KIR3DL3: variants seen among roughly 807,000 people sequenced by gnomAD.
KIR3DL3 encodes killer cell immunoglobulin like receptor, three Ig domains and long cytoplasmic tail 3.
A neutral mutation model predicts 34.9 loss-of-function variants in KIR3DL3; 27 were observed. That is an observed-to-expected ratio of 0.77 (90% confidence interval 0.57 to 1.07). The LOEUF (loss-of-function observed/expected upper bound fraction) is 1.07, where lower values mean the gene tolerates loss of function less well. KIR3DL3 is among the 50% of genes least tolerant of loss of function. The probability of loss-of-function intolerance (pLI) is 0.00; values close to 1 mark genes in which losing one functional copy is unlikely to be tolerated. For synonymous variants in KIR3DL3, 217 were observed against 200.2 expected (o/e 1.08, Z -0.71); for missense variants, 681 against 528.5 (o/e 1.29, Z -2.83).
chr19:54,732,821 A>G (rs761723758), intron 5 of KIR3DL3, among the ~76,000 whole-genome samples: 2 of 152,286 alleles, frequency 1.3e-5, no homozygotes, highest in Admixed American at 6.5e-5. Flanking sequence ...TGGAGAGCAC[A>G]CTGGGTACAC....
chr19:54,724,799 G>A (rs2067962525), intron 1 of KIR3DL3, among the ~76,000 whole-genome samples: 1 of 146,176 alleles, frequency 6.8e-6, no homozygotes, highest in Admixed American at 6.9e-5. Context: ...TTGGCTTGGA[G>A]TGCAGATATG....
chr19:54,735,117 G>C, intron 5 of KIR3DL3, 136 bp from the exon 6 acceptor site: 2 of 735,380 alleles, frequency 2.7e-6, no homozygotes. Flanking sequence ...GCAGGAGGAA[G>C]CTAGGTCTCC....
At chr19:54,733,549 T>TTA (rs199755001) in intron 5 of KIR3DL3, among the ~76,000 whole-genome samples, 1 of 151,834 alleles carries the variant, frequency 6.6e-6, no homozygotes, top group Non-Finnish European at 1.5e-5. Flanking sequence ...ACATACATAA[T>TTA]TATGACACAC....
rs1349798353 is a variant in KIR3DL3 at position 54,736,222 on chromosome 19, C to A, written c.*126C>A. 7 of 1,281,134 alleles carry A rather than the reference C, an allele frequency of 5.5e-6. No individual in the cohort carries two copies. Among genetic ancestry groups the A allele is most frequent in the African/African-American group, 1.6e-5 (1 of 62,694 alleles). 79.4% of individuals were successfully genotyped at this position (1,281,134 alleles called of 1,614,324 possible). On this transcript the variant is annotated 3_prime_UTR_variant, in exon 8 of 8. Coordinates refer to ENST00000291860, the MANE Select transcript of KIR3DL3 (RefSeq NM_153443.5). ...GTCTCAAAACCGGGTTGCCAGCTCC[C>A]ATGTACCAGCAGCTGGACTCTGAAG...
chr19:54,729,903 G>T, intron 5 of KIR3DL3, 117 bp downstream of exon 5: 2 of 895,952 alleles, frequency 2.2e-6, no homozygotes, highest in South Asian at 1.8e-5. Flanking sequence ...CACAGCATGG[G>T]TGTAAGGGCG....
intron 5 of KIR3DL3, 52 bp downstream of exon 5, chr19:54,729,838 G>A: frequency 1.3e-6 from 2 of 1,534,154 alleles, no homozygotes; most frequent in Admixed American, 1.9e-5. Context: ...AGCCATAGCT[G>A]AGGAGCTTCC....
rs2068614020 is a variant in KIR3DL3 at position 54,729,783 on chromosome 19, A to G, written c.946A>G (p.Thr316Ala). 6.3e-7 allele frequency: 1 copy of G among 1,596,106 alleles called. No individual in the cohort carries two copies. The highest frequency in any genetic ancestry group is 1.7e-5 in the Admixed American group (1 of 57,590). The part of the protein sequence containing the change: ...DPSDPLPVSV[T>A]GNSRNLHVLI... ...GAGTGACCCACTGCCCGTTTCTGTC[A>G]CAGGTGAGAAAACACCATGCCTGTC... is the stretch of plus-strand genomic sequence containing the variant. The change falls in exon 5 of 8, where the codon ACA (threonine) becomes GCA (alanine). Residue 316 changes from threonine to alanine, a missense_variant. Transcript: ENST00000291860.
intron 3 of KIR3DL3, among the ~76,000 whole-genome samples, chr19:54,726,799 T>G (rs2068233028): frequency 7.9e-6 from 1 of 127,298 alleles, no homozygotes; most frequent in Admixed American, 8.8e-5. Context: ...GCTGGAGAAG[T>G]CAAGGGAACT....
intron 3 of KIR3DL3, among the ~76,000 whole-genome samples, chr19:54,727,329 AAC>A (rs2068293454): frequency 8.1e-6 from 1 of 123,022 alleles, no homozygotes; most frequent in Admixed American, 9.5e-5. Context: ...CCCCCACATA[AAC>A]ACCAGGAAAG....
At chr19:54,729,977 C>A (rs1371854530) in intron 5 of KIR3DL3, among the ~76,000 whole-genome samples, 191 bp downstream of exon 5, 1 of 147,874 alleles carries the variant, frequency 6.8e-6, no homozygotes, top group African/African-American at 2.5e-5. Flanking sequence ...TGCAAGGATG[C>A]CCTTGATCAG....
rs2068886097 is a variant in KIR3DL3 at position 54,732,243 on chromosome 19, TG to T, written c.949+2458del. ...AAATCTGGGGTTTTTTGTGTGTGTGTGTGTTTTTTGTTTTCTTTTTTTTTTT... is the reference window on the plus strand; with the variant it reads ...AAATCTGGGGTTTTTTGTGTGTGTGTTGTTTTTTGTTTTCTTTTTTTTTTT... On this transcript the variant is annotated intron_variant, in intron 5 of 7. Transcript: ENST00000291860. Among the ~76,000 whole-genome samples the T allele has an allele frequency of 6.6e-5, 8 of 120,484 alleles. No homozygotes were observed. The East Asian group carries it at 1.8e-3, about 27-fold the overall frequency. The allele number at this position is 120,484 out of a possible 152,430, so 79.0% of individuals were successfully genotyped here.
intron 5 of KIR3DL3, among the ~76,000 whole-genome samples, chr19:54,731,889 A>G (rs2068833650): frequency 2.0e-5 from 3 of 152,076 alleles, no homozygotes; most frequent in South Asian, 2.1e-4. Context: ...TTGGGATTCT[A>G]TTGGGGTCAC....
chr19:54,727,392 T>A (rs2068301916), intron 3 of KIR3DL3, among the ~76,000 whole-genome samples: 2 of 127,720 alleles, frequency 1.6e-5, no homozygotes, highest in African/African-American at 2.9e-5. Flanking sequence ...CTGAGCACAG[T>A]GGGAAGGGAA....
At chr19:54,726,444 G>T in intron 3 of KIR3DL3, 107 bp downstream of exon 3, 6 of 1,378,928 alleles carry the variant, frequency 4.4e-6, no homozygotes, top group Non-Finnish European at 4.9e-6. Context: ...GACTGTATTT[G>T]GGGTAAAGGG....
In KIR3DL3 at chr19:54,725,644, C is replaced by T. The variant is rs1476358314; in HGVS notation, c.70+362C>T. On this transcript the variant is annotated intron_variant, in intron 2 of 7. Coordinates refer to ENST00000291860, the MANE Select transcript of KIR3DL3 (RefSeq NM_153443.5). ...CTCACACCCTCCAGCGTTTCCATGACGGTAGGGGCTGCAATGTGGCTGCTG... is the reference window on the plus strand; with the variant it reads ...CTCACACCCTCCAGCGTTTCCATGATGGTAGGGGCTGCAATGTGGCTGCTG... Among the ~76,000 whole-genome samples the T allele has an allele frequency of 3.1e-4, 47 of 152,220 alleles. No homozygotes were observed. The East Asian group carries it at 3.5e-3, about 11-fold the overall frequency.
rs2068327832 is a variant in KIR3DL3 at position 54,727,601 on chromosome 19, CTCT to C, written c.356-5_356-3del. ...GAGACGCCTTCTGAACTCACAACCT[CTCT>C]TCTTAGGAGTCCACAGAAAACCTTC... On this transcript the variant is annotated splice_region_variant and splice_polypyrimidine_tract_variant and intron_variant, in intron 3 of 7. Transcript: ENST00000291860. 1.9e-6 allele frequency: 3 copies of C among 1,607,012 alleles called. No homozygotes were observed. Among genetic ancestry groups the C allele is most frequent in the Non-Finnish European group, 2.5e-6 (3 of 1,177,736 alleles).
intron 3 of KIR3DL3, among the ~76,000 whole-genome samples, chr19:54,726,821 G>C (rs1467931540): frequency 7.7e-6 from 1 of 129,040 alleles, no homozygotes; most frequent in Non-Finnish European, 1.7e-5. Flanking sequence ...ATTCTTCCCT[G>C]AGTCTCCAGA....
At chr19:54,734,380 A>G (rs1463776189) in intron 5 of KIR3DL3, among the ~76,000 whole-genome samples, 3 of 150,716 alleles carry the variant, frequency 2.0e-5, no homozygotes, top group Non-Finnish European at 3.0e-5. Context: ...GCAGCGAGTG[A>G]CAACAGAAAC....
intron 5 of KIR3DL3, among the ~76,000 whole-genome samples, chr19:54,730,430 C>T (rs1427181256): frequency 2.7e-4 from 40 of 149,952 alleles, no homozygotes; most frequent in Middle Eastern, 3.4e-3. Flanking sequence ...AATAATTAGC[C>T]GAGCATGGTG....
Sources: allele counts gnomAD v4.1 joint callset (sites outside exome capture counted in the v4.1 genomes callset), GRCh38; gene constraint gnomAD v4.1.1; transcripts MANE v1.5; gene names NCBI Gene and HGNC (gene_info 2026-07-23, HGNC 2026-07-21).